DIDO1: variants seen among roughly 807,000 people sequenced by gnomAD.
DIDO1 encodes death inducer-obliterator 1, also known as death-inducer obliterator 1.
Under a neutral mutation model 99.4 loss-of-function variants are expected in DIDO1, and 16 were observed. That is an observed-to-expected ratio of 0.16 (90% CI 0.11 to 0.24). The LOEUF (loss-of-function observed/expected upper bound fraction) is 0.24, where lower values mean the gene tolerates loss of function less well. Among genes scored for constraint, DIDO1 ranks in the 10% least tolerant of loss-of-function variants. DIDO1 has a pLI of 1.00. For synonymous variants in DIDO1, 1,366 were observed against 1,239.1 expected (o/e 1.10, Z -2.15); for missense variants, 2,996 against 3,014.0 (o/e 0.99, Z 0.14).
At chr20:62,934,305 C>G (rs375768886) in intron 1 of DIDO1, among the ~76,000 whole-genome samples, 15 of 152,308 alleles carry the variant, frequency 9.8e-5, no homozygotes, top group Admixed American at 6.5e-4. Context: ...CTGTAGTTGC[C>G]TTTATCTCTG....
At position 62,880,972 on chromosome 20, in the gene DIDO1, T is replaced by C; in HGVS notation, c.4984A>G (p.Thr1662Ala). The C allele has an allele frequency of 6.2e-7, 1 of 1,606,496 alleles. No individual in the cohort carries two copies. Among genetic ancestry groups the C allele is most frequent in the South Asian group, 1.1e-5 (1 of 90,968 alleles). The part of the protein sequence containing the change: ...ARPARRVLLP[T>A]PPCGALQPGF... ...GGCTGCAGGGCGCCGCAAGGCGGTGTGGGCAGCAGCACCCTCCGGGCAGGC... is the reference window on the plus strand; with the variant it reads ...GGCTGCAGGGCGCCGCAAGGCGGTGCGGGCAGCAGCACCCTCCGGGCAGGC... Residue 1662 changes from threonine (T) to alanine (A), a missense_variant, in exon 16 of 16, where the codon ACA (threonine) becomes GCA (alanine). Thr to Ala is a moderately conservative substitution (Grantham distance 58). Around this residue, in one of 5 missense-constraint regions of DIDO1, gnomAD observed 1,562 missense variants for 1,412.6 expected, o/e 1.11. Coordinates refer to ENST00000395343, the MANE Select transcript of DIDO1 (RefSeq NM_001193369.2).
In DIDO1 at chr20:62,879,606, C is replaced by T; in HGVS notation, c.6350G>A (p.Arg2117His). The change falls in exon 16 of 16, where the codon CGC becomes CAC. Residue 2117 changes from arginine to histidine, a missense_variant. Arg to His is a conservative substitution (Grantham distance 29, BLOSUM62 0). Transcript: ENST00000395343. The surrounding 1 kb of genome is among the most constrained non-coding windows in gnomAD (Gnocchi z 6.3). Reference sequence around the variant, plus strand: ...TCGGCTCCAGTTTCGGCCGCGCTCGCGCTCTCTCCTCCTGTCCTCGGACGC... The same window carrying T: ...TCGGCTCCAGTTTCGGCCGCGCTCGTGCTCTCTCCTCCTGTCCTCGGACGC... ...GRASEDRRRE[R>H]ERGRNWSRER... 6.2e-7 allele frequency: 1 copy of T among 1,604,216 alleles called. No individual in the cohort carries two copies. Among genetic ancestry groups the T allele is most frequent in the Non-Finnish European group, 8.5e-7 (1 of 1,179,712 alleles).
At chr20:62,916,360 A>G (rs139485507) in intron 1 of DIDO1, among the ~76,000 whole-genome samples, 45 of 152,318 alleles carry the variant, frequency 3.0e-4, no homozygotes, top group African/African-American at 9.9e-4. Flanking sequence ...TCTATTGACT[A>G]GAAGCAGCTG....
rs561100864 is a variant in DIDO1 at position 62,935,589 on chromosome 20, G to A, written c.-200+2207C>T. 4.6e-5 allele frequency among the ~76,000 whole-genome samples: 7 copies of A among 152,302 alleles called. No individual in the cohort carries two copies. The East Asian group carries it at 1.4e-3, about 29-fold the overall frequency. ...GGAGTTAGCCTAGGGAAGGCTGTTAGCTAGGGCCCAGACTGAGAGCACAGC... is the reference window on the plus strand; with the variant it reads ...GGAGTTAGCCTAGGGAAGGCTGTTAACTAGGGCCCAGACTGAGAGCACAGC... On this transcript the variant is annotated intron_variant, in intron 1 of 15. Coordinates refer to the DIDO1 transcript ENST00000266070.
intron 2 of DIDO1, among the ~76,000 whole-genome samples, chr20:62,912,958 G>C (rs541548103): frequency 2.0e-5 from 3 of 152,314 alleles, no homozygotes; most frequent in Non-Finnish European, 4.4e-5. Flanking sequence ...CTTGAATCCA[G>C]GAGGTGGAGG....
intron 6 of DIDO1, among the ~76,000 whole-genome samples, chr20:62,904,448 T>C (rs2064754132): frequency 6.6e-6 from 1 of 152,148 alleles, no homozygotes; most frequent in South Asian, 2.1e-4. Flanking sequence ...ACGAGGGACA[T>C]ATTTTTCTTC....
chr20:62,894,585 T>C lies in DIDO1; in HGVS notation c.2437-37A>G. 2 of 1,595,112 alleles carry C rather than the reference T, an allele frequency of 1.3e-6. No individual in the cohort carries two copies. The highest frequency in any genetic ancestry group is 1.7e-6 in the Non-Finnish European group (2 of 1,174,548). The stretch of plus-strand genomic sequence containing the variant: ...AAAGAAAAAAAAGTGAGGTCGTTTC[T>C]TCTCCAAACTCAGCTCCAAATTAAC... On this transcript the variant is annotated intron_variant, in intron 10 of 15. Coordinates refer to ENST00000395343, the MANE Select transcript of DIDO1 (RefSeq NM_001193369.2). This position sits in a 1 kb window ranked among gnomAD's most constrained non-coding sequence, Gnocchi z 4.4.
At position 62,892,827 on chromosome 20, in the gene DIDO1, A is replaced by C; in HGVS notation, c.3237T>G (p.Cys1079Trp). Reference sequence around the variant, plus strand: ...TTCTAACCTCACTGAGGTAATCAAAACACCCAGAGACAGGATACGCCTTAG... The same window carrying C: ...TTCTAACCTCACTGAGGTAATCAAACCACCCAGAGACAGGATACGCCTTAG... ...FVTKAYPVSG[C>W]FDYLSEDLPD... is the part of the protein sequence containing the mutation. The change falls in exon 13 of 16, where the codon TGT becomes TGG. Residue 1079 changes from cysteine (C) to tryptophan (W), a missense_variant. Around this residue, in one of 5 missense-constraint regions of DIDO1, gnomAD observed 135 missense variants for 202.3 expected, o/e 0.67. Coordinates refer to ENST00000395343, the MANE Select transcript of DIDO1 (RefSeq NM_001193369.2). The C allele has an allele frequency of 5.0e-6, 8 of 1,613,436 alleles. No individual in the cohort carries two copies. The highest frequency in any genetic ancestry group is 6.8e-6 in the Non-Finnish European group (8 of 1,179,598).
intron 6 of DIDO1, chr20:62,905,433 AAAG>A: frequency 1.3e-6 from 2 of 1,508,344 alleles, no homozygotes; most frequent in Non-Finnish European, 1.8e-6. Flanking sequence ...ACAACATAAA[AAAG>A]AAGTGATGCT....
In DIDO1 at chr20:62,893,681, G is replaced by A. The variant is rs193279690; in HGVS notation, c.3086C>T (p.Pro1029Leu). ...AAGTACGCACCTGATATTTGGTGAC[G>A]GAGGAACTGACAGGTATCTTGGGTC... ...SPDPRYLSVP[P>L]SPNISTSESR... The change falls in exon 12 of 16, where the codon CCG becomes CTG. Residue 1029 changes from proline to leucine, a missense_variant. Physicochemically the swap from Pro to Leu is moderately conservative, Grantham distance 98. Around this residue, in one of 5 missense-constraint regions of DIDO1, gnomAD observed 898 missense variants for 972.7 expected, o/e 0.92. Coordinates refer to ENST00000395343, the MANE Select transcript of DIDO1 (RefSeq NM_001193369.2). 22 of 1,601,566 alleles carry A rather than the reference G, an allele frequency of 1.4e-5. No homozygotes were observed. The highest frequency in any genetic ancestry group is 4.5e-5 in the East Asian group (2 of 44,494).
At position 62,882,159 on chromosome 20, in the gene DIDO1, G is replaced by A. The variant is rs1600904003; in HGVS notation, c.3797C>T (p.Pro1266Leu). ...TPPGSPPPPPPLPEPPVLKVL... is the reference protein window; with the variant it reads ...TPPGSPPPPPLLPEPPVLKVL... ...TTTTAGCACCGGTGGTTCTGGAAGA[G>A]GGGGCGGAGGCGGCGGCGACCCAGG... The change falls in exon 16 of 16, where the codon CCT becomes CTT. Residue 1266 changes from proline to leucine, a missense_variant. Around this residue, in one of 5 missense-constraint regions of DIDO1, gnomAD observed 1,562 missense variants for 1,412.6 expected, o/e 1.11. Transcript: ENST00000395343. 1 of 1,613,274 alleles carries A rather than the reference G, an allele frequency of 6.2e-7. No individual in the cohort carries two copies. The highest frequency in any genetic ancestry group is 1.1e-5 in the South Asian group (1 of 91,076).
intron 15 of DIDO1, among the ~76,000 whole-genome samples, chr20:62,886,943 C>A (rs1183341716): frequency 6.6e-6 from 1 of 152,240 alleles, no homozygotes; most frequent in Non-Finnish European, 1.5e-5. Flanking sequence ...CTTGTTCCAA[C>A]TGGGAATCTC....
intron 8 of DIDO1, among the ~76,000 whole-genome samples, chr20:62,895,579 C>G (rs2064501104): frequency 6.6e-6 from 1 of 152,216 alleles, no homozygotes; most frequent in African/African-American, 2.4e-5. Context: ...TAGGGCTGTT[C>G]AATGGTGAGA....
chr20:62,924,989 AG>A (rs2065225836), intron 1 of DIDO1, among the ~76,000 whole-genome samples: 1 of 152,222 alleles, frequency 6.6e-6, no homozygotes, highest in African/African-American at 2.4e-5. Context: ...CACAGCAAGT[AG>A]GAAAACAAGT....
At chr20:62,915,660 T>A (rs1401175821) in intron 1 of DIDO1, among the ~76,000 whole-genome samples, 1 of 151,998 alleles carries the variant, frequency 6.6e-6, no homozygotes, top group Non-Finnish European at 1.5e-5. Context: ...AGCTAATTTT[T>A]GAAAAAAATT....
chr20:62,906,909 C>A (rs547350802), intron 5 of DIDO1, among the ~76,000 whole-genome samples: 1 of 152,188 alleles, frequency 6.6e-6, no homozygotes, highest in Non-Finnish European at 1.5e-5. Flanking sequence ...AGTCTTATGC[C>A]CCCCGTACAC....
intron 4 of DIDO1, among the ~76,000 whole-genome samples, chr20:62,908,905 A>G (rs765219564): frequency 1.3e-5 from 2 of 152,258 alleles, no homozygotes; most frequent in Admixed American, 6.5e-5. Flanking sequence ...ACATAAAGCC[A>G]ATGACTTTTC....
chr20:62,932,431 A>AT (rs2065341265), intron 1 of DIDO1, among the ~76,000 whole-genome samples: 1 of 152,238 alleles, frequency 6.6e-6, no homozygotes, highest in African/African-American at 2.4e-5. Context: ...ATTTACATAT[A>AT]TTTTTTGTTA....
At chr20:62,890,884 T>C (rs2064382277) in intron 15 of DIDO1, 76 bp downstream of exon 15, 1 of 1,611,480 alleles carries the variant, frequency 6.2e-7, no homozygotes, top group African/African-American at 1.3e-5. Flanking sequence ...TGGTCAGGAC[T>C]CAGCAGGGCA....
Sources: allele counts gnomAD v4.1 joint callset (sites outside exome capture counted in the v4.1 genomes callset), GRCh38; gene constraint gnomAD v4.1.1; regional missense constraint gnomAD v4.1.1; non-coding constraint Gnocchi (gnomAD v3.1); transcripts MANE v1.5; gene names NCBI Gene and HGNC (gene_info 2026-07-23, HGNC 2026-07-21).